The following CCDC14 variants were observed in gnomAD, a reference collection of about 807,000 sequenced individuals.
CCDC14 encodes coiled-coil domain-containing protein 14.
Under a neutral mutation model 81.4 loss-of-function variants are expected in CCDC14, and 71 were observed. The ratio of observed to expected loss-of-function variants is 0.87; its 90% CI spans 0.72 to 1.06. CCDC14 has a LOEUF of 1.06. Among genes scored for constraint, CCDC14 ranks in the 50% least tolerant of loss-of-function variants. The probability of loss-of-function intolerance (pLI) is 0.00; values close to 1 mark genes in which losing one functional copy is unlikely to be tolerated. For synonymous variants in CCDC14, 332 were observed against 364.8 expected (o/e 0.91, Z 1.03); for missense variants, 1,046 against 1,047.3 (o/e 1.00, Z 0.02).
In CCDC14 at chr3:123,914,622, TCA is replaced by T. The variant is rs1442708362; in HGVS notation, c.*155_*156del. ...AAGATGACTTGTTTTTATAAGCTCC[TCA>T]GTGTCAATATATCTCAACAATACAT... On this transcript the variant is annotated 3_prime_UTR_variant, in exon 13 of 13. Coordinates refer to ENST00000409697, the MANE Select transcript of CCDC14 (RefSeq NM_001366335.1). 1.4e-5 allele frequency: 18 copies of T among 1,314,654 alleles called. No homozygotes were observed. In the African/African-American group the frequency reaches 2.4e-4, roughly 18 times the overall value. 81.4% of individuals were successfully genotyped at this position (1,314,654 alleles called of 1,614,324 possible).
chr3:123,943,540 C>T (rs1015569806), intron 9 of CCDC14, among the ~76,000 whole-genome samples: 4 of 152,116 alleles, frequency 2.6e-5, no homozygotes, highest in Non-Finnish European at 5.9e-5. Context: ...GTCATAAGAA[C>T]CCCATTTCTG....
intron 9 of CCDC14, 111 bp downstream of exon 9, chr3:123,944,738 A>G (rs1197505392): frequency 2.4e-5 from 16 of 679,652 alleles, no homozygotes; most frequent in Non-Finnish European, 2.3e-6. Context: ...AAATACAGTA[A>G]GACAGCAAAT....
At chr3:123,947,350 G>T (rs758067599) in intron 7 of CCDC14, 31 bp from the exon 8 acceptor site, 1 of 1,530,376 alleles carries the variant, frequency 6.5e-7, no homozygotes, top group South Asian at 1.2e-5. Context: ...GTCTTCAGAA[G>T]TATGAGCACT....
At chr3:123,928,422 C>T (rs1337547347) in intron 12 of CCDC14, among the ~76,000 whole-genome samples, 6 of 150,510 alleles carry the variant, frequency 4.0e-5, no homozygotes, top group African/African-American at 9.8e-5. Flanking sequence ...AGGAGAATGG[C>T]GTGAACACAG....
chr3:123,892,431 G>C (rs943611186), downstream of CCDC14, among the ~76,000 whole-genome samples: 1 of 150,838 alleles, frequency 6.6e-6, no homozygotes, highest in African/African-American at 2.5e-5. Context: ...TCCCTCCTAG[G>C]CCTCCAGGCC....
In CCDC14 at chr3:123,949,103, T is replaced by G. The variant is rs2036855552; in HGVS notation, c.382A>C (p.Asn128His). The G allele has an allele frequency of 6.2e-7, 1 of 1,607,046 alleles. No individual in the cohort carries two copies. The highest frequency in any genetic ancestry group is 1.1e-5 in the South Asian group (1 of 90,052). Residue 128 changes from asparagine to histidine, a missense_variant, in exon 6 of 13, where the codon AAT (asparagine) becomes CAT (histidine). By Grantham distance (68) the Asn-to-His change is moderately conservative (BLOSUM62 1). Transcript: ENST00000409697. Reference protein sequence around the residue: ...SSSDNKKQIPNEASARSERDT... With the variant: ...SSSDNKKQIPHEASARSERDT... ...CTTTCACTTCTAGCAGAAGCTTCAT[T>G]AGGTATCTGTTTCTTATTATCTGAA...
At chr3:123,916,062 GATCTC>G (rs2034670571) in intron 12 of CCDC14, among the ~76,000 whole-genome samples, 2 of 148,124 alleles carry the variant, frequency 1.4e-5, no homozygotes, top group African/African-American at 5.0e-5. Flanking sequence ...ACAGTGGAAT[GATCTC>G]AGCTCACTGA....
At chr3:123,927,094 A>G (rs2035407845) in intron 12 of CCDC14, among the ~76,000 whole-genome samples, 1 of 152,108 alleles carries the variant, frequency 6.6e-6, no homozygotes, top group Admixed American at 6.5e-5. Context: ...TTAAGCTCAG[A>G]GACTTTTTTG....
At chr3:123,890,830 G>A in the CCDC14 span, among the ~76,000 whole-genome samples, 1 of 152,210 alleles carries the variant, frequency 6.6e-6, no homozygotes, top group African/African-American at 2.4e-5. Flanking sequence ...CAGTACCCTA[G>A]TAGGGACTCT....
chr3:123,948,580 A>AC (rs2036804030), intron 7 of CCDC14, 111 bp downstream of exon 7: 2 of 871,124 alleles, frequency 2.3e-6, no homozygotes, highest in Non-Finnish European at 3.5e-6. Context: ...AAAATAAACA[A>AC]CTGGTCTTTA....
chr3:123,919,199 T>C (rs1286365236), intron 12 of CCDC14, among the ~76,000 whole-genome samples: 2 of 152,188 alleles, frequency 1.3e-5, no homozygotes, highest in Non-Finnish European at 2.9e-5. Flanking sequence ...TTCACAGCTG[T>C]ACATATAGTT....
the CCDC14 span, among the ~76,000 whole-genome samples, chr3:123,892,274 G>C: frequency 2.6e-5 from 4 of 152,208 alleles, no homozygotes; most frequent in African/African-American, 7.2e-5. Context: ...GCCAAGGCTT[G>C]TGGGTTGCAC....
Position 123,948,789 on chromosome 3 carries a change from T to C in CCDC14, c.590-4A>G. On this transcript the variant is annotated splice_polypyrimidine_tract_variant and splice_region_variant and intron_variant, in intron 6 of 12. Transcript: ENST00000409697. The stretch of plus-strand genomic sequence containing the variant: ...GAATGAGGAGTTGCCTGAGATTCTG[T>C]AAGTAAGAGGGAGAAAAAATTAATC... 6.3e-7 allele frequency: 1 copy of C among 1,591,636 alleles called. No homozygotes were observed. Among genetic ancestry groups the C allele is most frequent in the Non-Finnish European group, 8.5e-7 (1 of 1,172,610 alleles).
intron 12 of CCDC14, among the ~76,000 whole-genome samples, chr3:123,929,264 T>C (rs1173715965): frequency 6.6e-6 from 1 of 152,110 alleles, no homozygotes; most frequent in Non-Finnish European, 1.5e-5. Context: ...GTATACCATA[T>C]ATAACTTTTA....
At chr3:123,896,643 G>A (rs560297753), downstream of CCDC14, among the ~76,000 whole-genome samples, 5 of 152,246 alleles carry the variant, frequency 3.3e-5, no homozygotes, top group Admixed American at 1.3e-4. Context: ...AGACGCTGGT[G>A]GGGGTGGGAA....
At chr3:123,924,158 T>C (rs1430702522) in intron 12 of CCDC14, among the ~76,000 whole-genome samples, 1 of 152,064 alleles carries the variant, frequency 6.6e-6, no homozygotes, top group Admixed American at 6.6e-5. Flanking sequence ...GCCAATTGAT[T>C]TTTCACAAAG....
At chr3:123,923,003 T>C (rs1413839241) in intron 12 of CCDC14, among the ~76,000 whole-genome samples, 2 of 152,102 alleles carry the variant, frequency 1.3e-5, no homozygotes, top group African/African-American at 4.8e-5. Flanking sequence ...TCAATATCTC[T>C]GATGAACACA....
chr3:123,896,165 A>G (rs1156362845), downstream of CCDC14, among the ~76,000 whole-genome samples: 3 of 152,214 alleles, frequency 2.0e-5, no homozygotes, highest in African/African-American at 7.2e-5. Flanking sequence ...TCATGGATTA[A>G]TAGACTAATG....
chr3:123,948,682 T>C lies in CCDC14; in HGVS notation c.684+9A>G, dbSNP rs760419559. On this transcript the variant is annotated intron_variant, in intron 7 of 12. Coordinates refer to ENST00000409697, the MANE Select transcript of CCDC14 (RefSeq NM_001366335.1). ...ATAGTTACTTATGTAGTATAAGAAC[T>C]GTACGCACAGAATGAACCTTTGGAG... 2.5e-6 allele frequency: 4 copies of C among 1,586,734 alleles called. No individual in the cohort carries two copies. The highest frequency in any genetic ancestry group is 3.4e-6 in the Non-Finnish European group (4 of 1,168,074).
Sources: allele counts gnomAD v4.1 joint callset (sites outside exome capture counted in the v4.1 genomes callset), GRCh38; gene constraint gnomAD v4.1.1; transcripts MANE v1.5; gene names NCBI Gene and HGNC (gene_info 2026-07-23, HGNC 2026-07-21).